MAPRE2: variants seen among roughly 807,000 people sequenced by gnomAD.
The protein encoded by MAPRE2 is microtubule-associated protein RP/EB family member 2.
A neutral mutation model predicts 43.2 loss-of-function variants in MAPRE2; 13 were observed. That is an observed-to-expected ratio of 0.30 (90% CI 0.20 to 0.48). The LOEUF (loss-of-function observed/expected upper bound fraction) is 0.48. Among genes scored for constraint, MAPRE2 ranks in the 20% least tolerant of loss-of-function variants. The pLI is 0.99. For synonymous variants in MAPRE2, 135 were observed against 148.8 expected (o/e 0.91, Z 0.68); for missense variants, 161 against 400.2 (o/e 0.40, Z 5.10).
At chr18:34,990,241 C>T (rs621576) in intron 1 of MAPRE2, among the ~76,000 whole-genome samples, 6,508 of 152,196 alleles carry the variant, frequency 0.043, 366 homozygotes, top group African/African-American at 0.13. Context: ...GTGGGGAATG[C>T]TTCTCTGTGA....
chr18:35,009,177 G>A (rs958292491), intron 2 of MAPRE2, among the ~76,000 whole-genome samples: 6 of 152,224 alleles, frequency 3.9e-5, no homozygotes, highest in Admixed American at 1.3e-4. Context: ...TACAGTTACA[G>A]TATAATGGGA....
intron 2 of MAPRE2, among the ~76,000 whole-genome samples, chr18:35,014,386 A>ATTT (rs368732245): frequency 0.023 from 3,246 of 139,654 alleles, 126 homozygotes; most frequent in African/African-American, 0.081. Context: ...GGGCAGGGTG[A>ATTT]TTTTTTTTTT....
chr18:35,044,264 C>CT (rs1354972239), intron 1 of MAPRE2, among the ~76,000 whole-genome samples: 83 of 152,276 alleles, frequency 5.5e-4, no homozygotes, highest in Non-Finnish European at 1.5e-5. Flanking sequence ...GAATTTTGCT[C>CT]TTGTTGCCCA....
At position 35,108,288 on chromosome 18, in the gene MAPRE2, A is replaced by G. The variant is rs140939596; in HGVS notation, c.610+6129A>G. On this transcript the variant is annotated intron_variant, in intron 4 of 6. Transcript: ENST00000300249. ...CTTCCAGCTTTATCCACATCCCTGCAAAGGACATGATCTCATTCCTTTTTA... is the reference window on the plus strand; with the variant it reads ...CTTCCAGCTTTATCCACATCCCTGCGAAGGACATGATCTCATTCCTTTTTA... 6.6e-4 allele frequency among the ~76,000 whole-genome samples: 100 copies of G among 152,306 alleles called. No individual in the cohort carries two copies. In the East Asian group the frequency reaches 0.014, roughly 22 times the overall value.
chr18:35,009,628 G>T (rs890017608), intron 2 of MAPRE2, among the ~76,000 whole-genome samples: 1 of 152,142 alleles, frequency 6.6e-6, no homozygotes, highest in Admixed American at 6.5e-5. Context: ...TCCAATTAAA[G>T]TTGGCCTGCA....
At chr18:34,987,034 GA>G (rs993302706) in intron 1 of MAPRE2, among the ~76,000 whole-genome samples, 3 of 151,576 alleles carry the variant, frequency 2.0e-5, no homozygotes, top group South Asian at 2.1e-4. Flanking sequence ...CTTACTCAAG[GA>G]AAAAAAGCCA....
intron 1 of MAPRE2, among the ~76,000 whole-genome samples, chr18:34,983,791 G>A (rs185326679): frequency 1.3e-5 from 2 of 152,136 alleles, no homozygotes; most frequent in Non-Finnish European, 2.9e-5. Flanking sequence ...CACCATATCC[G>A]GCTAATTTTT....
chr18:35,050,971 T>A (rs1905908303), intron 1 of MAPRE2, among the ~76,000 whole-genome samples: 1 of 152,148 alleles, frequency 6.6e-6, no homozygotes. Context: ...AGGGACCTGC[T>A]CACTGTCAGC....
intron 4 of MAPRE2, among the ~76,000 whole-genome samples, chr18:35,106,173 C>T (rs977108375): frequency 4.6e-5 from 7 of 152,070 alleles, no homozygotes; most frequent in Admixed American, 3.9e-4. Context: ...AATTTTGTTC[C>T]CACCTCTAAG....
At chr18:35,054,702 C>CT (rs368554107) in intron 1 of MAPRE2, among the ~76,000 whole-genome samples, 188 of 152,112 alleles carry the variant, frequency 1.2e-3, no homozygotes, top group African/African-American at 4.1e-3. Context: ...TTGTTTGTTT[C>CT]TTTTTTTTGA....
chr18:35,102,207 G>A (rs367577948), intron 4 of MAPRE2, 48 bp downstream of exon 4: 2 of 1,365,010 alleles, frequency 1.5e-6, no homozygotes, highest in African/African-American at 2.9e-5. Flanking sequence ...TTTGATAATG[G>A]CTCAGACCCT....
At chr18:35,067,974 C>G (rs188314292) in intron 1 of MAPRE2, among the ~76,000 whole-genome samples, 2 of 152,160 alleles carry the variant, frequency 1.3e-5, no homozygotes, top group African/African-American at 2.4e-5. Flanking sequence ...GTCACACTAT[C>G]TGAGATTCCT....
intron 1 of MAPRE2, among the ~76,000 whole-genome samples, chr18:34,985,524 A>ATATAATATATATATATTATAT (rs2097020094): frequency 5.9e-5 from 3 of 50,738 alleles, no homozygotes; most frequent in African/African-American, 2.6e-4. Flanking sequence ...TATATTATAT[A>ATATAATATATATATATTATAT]TTATAAATAT....
intron 2 of MAPRE2, among the ~76,000 whole-genome samples, chr18:35,080,794 A>G (rs1907592978): frequency 6.7e-6 from 1 of 149,288 alleles, no homozygotes; most frequent in Non-Finnish European, 1.5e-5. Flanking sequence ...TCGTAAAGAC[A>G]CCATCATTTT....
chr18:35,011,128 A>C (rs1028820650), intron 2 of MAPRE2, among the ~76,000 whole-genome samples: 1 of 152,136 alleles, frequency 6.6e-6, no homozygotes, highest in African/African-American at 2.4e-5. Flanking sequence ...ATGTTAATGA[A>C]ATAGGCAGTT....
chr18:34,982,139 T>TC lies in MAPRE2; in HGVS notation c.-70+5063dup, dbSNP rs1055379476. 1.4e-4 allele frequency among the ~76,000 whole-genome samples: 21 copies of TC among 152,204 alleles called. No homozygotes were observed. The Middle Eastern group carries it at 0.02, about 148-fold the overall frequency. ...ACCTCGTAATCCGCCCACCTCGGCC[T>TC]CCCAGAATGCTGGGATTACAGGCGT... On this transcript the variant is annotated intron_variant, in intron 1 of 7. Transcript: ENST00000413393.
chr18:35,019,070 C>A (rs2097040337), intron 2 of MAPRE2, among the ~76,000 whole-genome samples: 1 of 151,238 alleles, frequency 6.6e-6, no homozygotes, highest in African/African-American at 2.4e-5. Context: ...TTTATTTCTG[C>A]CTTAATTTTA....
At chr18:35,035,087 C>A (rs1302201268) in intron 2 of MAPRE2, among the ~76,000 whole-genome samples, 2 of 151,964 alleles carry the variant, frequency 1.3e-5, no homozygotes, top group African/African-American at 2.4e-5. Flanking sequence ...GCACTATTCA[C>A]TATAGCAAAG....
At position 35,041,834 on chromosome 18, in the gene MAPRE2, T is replaced by A; in HGVS notation, c.122+173T>A. The A allele has an allele frequency of 7.6e-6, 11 of 1,440,990 alleles. No individual in the cohort carries two copies. The South Asian group carries it at 1.6e-4, about 21-fold the overall frequency. The allele number at this position is 1,440,990 out of a possible 1,614,324, so 89.3% of individuals were successfully genotyped here. A position where few individuals can be genotyped will look rare whatever the true frequency, so the allele number is the denominator to read the frequency against. ...TCCATGTGTCATGTTGGGTTTGCAT[T>A]GAGGCTCCGCGACTGCAGATGGAAA... is the stretch of plus-strand genomic sequence containing the variant. On this transcript the variant is annotated intron_variant, in intron 1 of 6. Coordinates refer to ENST00000300249, the MANE Select transcript of MAPRE2 (RefSeq NM_014268.4).
Sources: allele counts gnomAD v4.1 joint callset (sites outside exome capture counted in the v4.1 genomes callset), GRCh38; gene constraint gnomAD v4.1.1; transcripts MANE v1.5; gene names NCBI Gene and HGNC (gene_info 2026-07-23, HGNC 2026-07-21).